The following AGBL1 variants were observed in gnomAD, a reference collection of about 807,000 sequenced individuals.
AGBL1 encodes the protein cytosolic carboxypeptidase 4.
AGBL1 carries 130 observed loss-of-function variants against 118.9 expected under a neutral mutation model. The ratio of observed to expected loss-of-function variants is 1.09; its 90% CI spans 0.95 to 1.26. The LOEUF (loss-of-function observed/expected upper bound fraction) is 1.26. Among genes scored for constraint, AGBL1 ranks in the 50% most tolerant of loss-of-function variants. The pLI is 0.00. For missense variants in AGBL1, 1,584 were observed against 1,298.1 expected (o/e 1.22, Z -3.38); for synonymous variants, 555 against 478.9 (o/e 1.16, Z -2.08).
intron 17 of AGBL1, among the ~76,000 whole-genome samples, chr15:86,362,746 C>T (rs207475647): frequency 6.6e-6 from 1 of 152,156 alleles, no homozygotes; most frequent in South Asian, 2.1e-4. Context: ...TAGGGCAGGG[C>T]TAGAGCTGAG....
At chr15:86,449,159 TAGAG>T (rs1409900693) in intron 18 of AGBL1, among the ~76,000 whole-genome samples, 13 of 151,778 alleles carry the variant, frequency 8.6e-5, no homozygotes, top group African/African-American at 3.1e-4. Flanking sequence ...AGAAAATAAA[TAGAG>T]ATAGGCTGGT....
chr15:86,608,680 G>A (rs1243080540), intron 21 of AGBL1, among the ~76,000 whole-genome samples: 10 of 152,090 alleles, frequency 6.6e-5, no homozygotes, highest in Admixed American at 5.9e-4. Flanking sequence ...GCAGCATACC[G>A]GAGAACTCTG....
At chr15:86,099,029 C>T (rs1896553369) in intron 1 of AGBL1, among the ~76,000 whole-genome samples, 1 of 152,080 alleles carries the variant, frequency 6.6e-6, no homozygotes, top group Non-Finnish European at 1.5e-5. Context: ...TGCTTCACCT[C>T]CTTGAAGCCT....
At chr15:86,919,136 A>G (rs1022127244), downstream of AGBL1, among the ~76,000 whole-genome samples, 6 of 152,188 alleles carry the variant, frequency 3.9e-5, no homozygotes, top group Admixed American at 3.9e-4. Context: ...TTTATTAGGA[A>G]AGGATCTATA....
At chr15:86,943,668 A>G (rs2080782104) in intron 23 of AGBL1, among the ~76,000 whole-genome samples, 1 of 152,168 alleles carries the variant, frequency 6.6e-6, no homozygotes, top group Non-Finnish European at 1.5e-5. Context: ...GGTGATGAAG[A>G]AAAAGGAAGA....
intron 23 of AGBL1, among the ~76,000 whole-genome samples, chr15:86,950,406 C>A (rs2141669526): frequency 6.6e-6 from 1 of 150,670 alleles, no homozygotes; most frequent in East Asian, 1.9e-4. Flanking sequence ...TAAAAAAATA[C>A]TCATATCAGG....
At chr15:86,199,614 T>TA (rs908871414) in intron 5 of AGBL1, among the ~76,000 whole-genome samples, 72 of 152,284 alleles carry the variant, frequency 4.7e-4, no homozygotes, top group African/African-American at 1.7e-3. Flanking sequence ...ACTGAACTGT[T>TA]ACGGAAATTG....
chr15:87,011,939 G>A (rs1260969803), intron 24 of AGBL1, among the ~76,000 whole-genome samples: 1 of 151,886 alleles, frequency 6.6e-6, no homozygotes, highest in Non-Finnish European at 1.5e-5. Flanking sequence ...AGAACAAGCT[G>A]GTACATATTC....
chr15:86,236,911 A>G (rs2078553511), intron 6 of AGBL1, among the ~76,000 whole-genome samples: 1 of 63,620 alleles, frequency 1.6e-5, no homozygotes, highest in South Asian at 5.6e-4. Flanking sequence ...CTGATGTTCC[A>G]CACACACGGG....
chr15:86,706,973 A>G (rs2086461004), intron 22 of AGBL1, among the ~76,000 whole-genome samples: 2 of 152,262 alleles, frequency 1.3e-5, no homozygotes, highest in South Asian at 4.1e-4. Flanking sequence ...GGGAAAAATG[A>G]ATAGATATAA....
At chr15:86,849,794 G>A (rs776874952) in intron 22 of AGBL1, among the ~76,000 whole-genome samples, 18 of 152,182 alleles carry the variant, frequency 1.2e-4, no homozygotes, top group Non-Finnish European at 2.5e-4. Flanking sequence ...GGCAGCGTGT[G>A]CTGGGTAGCA....
chr15:86,445,405 C>T (rs1596124069), intron 18 of AGBL1, among the ~76,000 whole-genome samples: 1 of 152,366 alleles, frequency 6.6e-6, no homozygotes, highest in East Asian at 1.9e-4. Context: ...GAGCAGCCCT[C>T]AGTGAAGGCT....
chr15:86,439,760 T>C (rs1165785877), intron 18 of AGBL1, among the ~76,000 whole-genome samples: 1 of 152,180 alleles, frequency 6.6e-6, no homozygotes, highest in Non-Finnish European at 1.5e-5. Context: ...TGAGGTGTTA[T>C]GAAATGAGTT....
chr15:86,699,515 A>C (rs976690540), intron 22 of AGBL1, among the ~76,000 whole-genome samples: 4 of 152,074 alleles, frequency 2.6e-5, no homozygotes, highest in African/African-American at 9.7e-5. Flanking sequence ...GTTTTCTTTA[A>C]TCTAGAACAG....
intron 18 of AGBL1, among the ~76,000 whole-genome samples, chr15:86,443,748 A>G (rs1254832639): frequency 1.3e-5 from 2 of 152,110 alleles, no homozygotes; most frequent in East Asian, 3.9e-4. Flanking sequence ...GTGTCCTCCA[A>G]ACTCACCTGT....
chr15:86,184,817 C>T (rs139058466), intron 5 of AGBL1, among the ~76,000 whole-genome samples: 29 of 152,222 alleles, frequency 1.9e-4, no homozygotes, highest in East Asian at 5.8e-4. Context: ...AAAAAGAGCC[C>T]GCATTGCCAA....
At chr15:86,130,576 T>G (rs1211475712) in intron 1 of AGBL1, among the ~76,000 whole-genome samples, 2 of 152,236 alleles carry the variant, frequency 1.3e-5, no homozygotes, top group African/African-American at 2.4e-5. Context: ...CTCTATCATG[T>G]AATTTTTTGT....
chr15:86,884,694 C>G (rs982382530), intron 22 of AGBL1, among the ~76,000 whole-genome samples: 8 of 152,240 alleles, frequency 5.3e-5, no homozygotes, highest in African/African-American at 1.9e-4. Context: ...CACCTGTAAT[C>G]CCAGCTACTC....
At chr15:86,699,594 G>A (rs2086321610) in intron 22 of AGBL1, among the ~76,000 whole-genome samples, 2 of 152,030 alleles carry the variant, frequency 1.3e-5, no homozygotes, top group South Asian at 4.2e-4. Context: ...TTATTTTGAA[G>A]AATGTCTCTC....
Sources: gnomAD v4.1 joint callset for allele counts (sites outside exome capture counted in the v4.1 genomes callset) on GRCh38, gnomAD v4.1.1 for gene constraint, MANE v1.5 for transcripts, NCBI Gene and HGNC (gene_info 2026-07-23, HGNC 2026-07-21) for gene names.